Variants in MYO3A observed in about 807,000 individuals in gnomAD.
MYO3A encodes myosin IIIA.
Under a neutral mutation model 192.7 loss-of-function variants are expected in MYO3A, and 180 were observed. The observed-to-expected ratio is 0.93, with a 90% CI of 0.83 to 1.06. MYO3A has a LOEUF of 1.06. MYO3A is among the 50% of genes least tolerant of loss of function. The pLI is 0.00. For missense variants in MYO3A, 1,896 were observed against 1,905.0 expected, an observed-to-expected ratio of 1.00 and a Z score of 0.09; for synonymous variants, 628 against 645.3, an observed-to-expected ratio of 0.97 and a Z score of 0.41.
At chr10:26,068,745 G>T (rs759037270) in intron 11 of MYO3A, 23 bp from the exon 12 acceptor site, 2 of 1,431,328 alleles carry the variant, frequency 1.4e-6, no homozygotes, top group African/African-American at 1.4e-5. Flanking sequence ...TTAAGAAGGA[G>T]AAATTATTTT....
At chr10:26,020,655 G>A (rs1842254565) in intron 7 of MYO3A, among the ~76,000 whole-genome samples, 1 of 152,126 alleles carries the variant, frequency 6.6e-6, no homozygotes, top group African/African-American at 2.4e-5. Context: ...GCAAAAAATG[G>A]TTCTTAAAAT....
chr10:26,165,718 T>A (rs1841708477), intron 26 of MYO3A: 1 of 320,092 alleles, frequency 3.1e-6, no homozygotes, highest in African/African-American at 2.1e-5. Flanking sequence ...TTCCTGCCAC[T>A]GCAGTCCTGC....
intron 14 of MYO3A, among the ~76,000 whole-genome samples, chr10:26,086,968 T>C (rs1836369529): frequency 7.1e-6 from 1 of 140,140 alleles, no homozygotes; most frequent in Non-Finnish European, 1.6e-5. Context: ...TTTAGATTAA[T>C]GTTAATTGGG....
At chr10:26,072,828 A>G (rs529954538) in intron 14 of MYO3A, among the ~76,000 whole-genome samples, 2 of 152,326 alleles carry the variant, frequency 1.3e-5, no homozygotes, top group South Asian at 2.1e-4. Flanking sequence ...TATAAGCTCC[A>G]CTTACCATAC....
At position 25,968,419 on chromosome 10, in the gene MYO3A, G is replaced by A. The variant is rs78292157; in HGVS notation, c.303+13411G>A. On this transcript the variant is annotated intron_variant, in intron 4 of 34. Coordinates refer to ENST00000642920, the MANE Select transcript of MYO3A (RefSeq NM_017433.5). Reference sequence around the variant, plus strand: ...AAAAATGTCAAAGAACATTTTTTAGGCTGAAGGAAAATGATTCCAGGTGAA... The same window carrying A: ...AAAAATGTCAAAGAACATTTTTTAGACTGAAGGAAAATGATTCCAGGTGAA... Among the ~76,000 whole-genome samples, 475 of 152,256 alleles carry A rather than the reference G, an allele frequency of 3.1e-3. 7 individuals are homozygous for A. Among genetic ancestry groups the A allele is most frequent in the African/African-American group, 0.011 (458 of 41,546 alleles).
chr10:26,171,961 T>G (rs955263042), intron 29 of MYO3A, among the ~76,000 whole-genome samples: 2 of 152,224 alleles, frequency 1.3e-5, no homozygotes, highest in African/African-American at 4.8e-5. Flanking sequence ...ATTAAGAATC[T>G]ACTGCACACA....
chr10:26,096,577 A>G lies in MYO3A; in HGVS notation c.1671A>G (p.Gln557=), dbSNP rs1304576258. The change falls in exon 17 of 35, where the codon CAA becomes CAG. Residue 557 remains glutamine (Q), a synonymous_variant. Coordinates refer to ENST00000642920, the MANE Select transcript of MYO3A (RefSeq NM_017433.5). The stretch of plus-strand genomic sequence containing the variant: ...TTTATATTTTTTTTAGGTACCTACA[A>G]AATGACCACCTCAGAACAGTACAAG... The part of the protein sequence containing the change: ...LPENKPPRYL[Q]NDHLRTVQDI... The G allele has an allele frequency of 1.2e-6, 2 of 1,602,822 alleles. No homozygotes were observed. Among genetic ancestry groups the G allele is most frequent in the Non-Finnish European group, 1.7e-6 (2 of 1,169,890 alleles).
chr10:26,092,323 A>G (rs969117999), intron 15 of MYO3A, among the ~76,000 whole-genome samples: 4 of 151,928 alleles, frequency 2.6e-5, no homozygotes, highest in African/African-American at 9.7e-5. Context: ...AAAATTAGCC[A>G]GGTGTGGTGG....
chr10:26,173,374 C>A (rs1842149720), intron 29 of MYO3A, among the ~76,000 whole-genome samples: 1 of 152,108 alleles, frequency 6.6e-6, no homozygotes, highest in African/African-American at 2.4e-5. Context: ...GGATTAAGTT[C>A]CTAGAATTTT....
At chr10:26,022,216 A>G (rs58199231) in intron 8 of MYO3A, 7,595 of 152,366 alleles carry the variant, frequency 0.05, 240 homozygotes, top group Middle Eastern at 0.075. Flanking sequence ...CCACTCCTTC[A>G]TGTGTGTTTC....
At chr10:26,165,846 G>C in intron 26 of MYO3A, 1 of 605,338 alleles carries the variant, frequency 1.7e-6, no homozygotes, top group Non-Finnish European at 2.9e-6. Flanking sequence ...TGATCACAAA[G>C]GTGAAAACAC....
intron 20 of MYO3A, among the ~76,000 whole-genome samples, chr10:26,134,254 C>T (rs1485994096): frequency 6.6e-6 from 1 of 152,096 alleles, no homozygotes; most frequent in East Asian, 1.9e-4. Context: ...ATCCAAAATA[C>T]TTTCTCATTA....
intron 10 of MYO3A, 89 bp downstream of exon 10, chr10:26,026,621 A>T: frequency 2.0e-6 from 3 of 1,494,484 alleles, no homozygotes; most frequent in Non-Finnish European, 2.8e-6. Context: ...AAGGTGAATA[A>T]AATTTGGAGG....
intron 15 of MYO3A, among the ~76,000 whole-genome samples, chr10:26,092,476 G>A (rs7911701): frequency 0.7 from 105,382 of 150,858 alleles, 36,953 homozygotes; most frequent in Middle Eastern, 0.76. Flanking sequence ...AAAAAAAAAA[G>A]AATGCAAACC....
intron 7 of MYO3A, among the ~76,000 whole-genome samples, chr10:26,018,849 T>C (rs1398218976): frequency 6.6e-6 from 1 of 152,204 alleles, no homozygotes; most frequent in Non-Finnish European, 1.5e-5. Flanking sequence ...AATAATGTAT[T>C]ATCCTGAAAA....
intron 31 of MYO3A, among the ~76,000 whole-genome samples, chr10:26,182,961 G>C (rs1842680085): frequency 6.6e-6 from 1 of 151,908 alleles, no homozygotes; most frequent in East Asian, 1.9e-4. Context: ...TGACCAGGCA[G>C]GTGTGTGTGT....
At chr10:26,110,526 G>A (rs1165321002) in intron 17 of MYO3A, among the ~76,000 whole-genome samples, 2 of 152,212 alleles carry the variant, frequency 1.3e-5, no homozygotes, top group African/African-American at 2.4e-5. Flanking sequence ...AAGCAGCAAA[G>A]GTTGTCAGGA....
chr10:26,088,485 T>C, intron 15 of MYO3A, 80 bp downstream of exon 15: 1 of 1,352,540 alleles, frequency 7.4e-7, no homozygotes, highest in Non-Finnish European at 1.0e-6. Context: ...GTCTTTCTCA[T>C]TCAATAAAAT....
chr10:26,128,312 A>G, intron 19 of MYO3A, 79 bp from the exon 20 acceptor site: 5 of 1,468,802 alleles, frequency 3.4e-6, no homozygotes, highest in Non-Finnish European at 4.8e-6. Context: ...CTCAGTCACA[A>G]ATGGTAACTC....
Sources: allele counts gnomAD v4.1 joint callset (sites outside exome capture counted in the v4.1 genomes callset), GRCh38; gene constraint gnomAD v4.1.1; transcripts MANE v1.5; gene names NCBI Gene and HGNC (gene_info 2026-07-23, HGNC 2026-07-21).